CUX1: variants seen among roughly 807,000 people sequenced by gnomAD.
CUX1 encodes the protein protein CASP.
In CUX1, 31 loss-of-function variants were observed where a neutral mutation model predicts 158.8. The ratio of observed to expected loss-of-function variants is 0.20; its 90% CI spans 0.15 to 0.26. CUX1 has a LOEUF of 0.26. Ranked by LOEUF, CUX1 falls within the 10% of genes least tolerant of loss-of-function variation. The probability of loss-of-function intolerance (pLI) is 1.00; values close to 1 mark genes in which losing one functional copy is unlikely to be tolerated. For synonymous variants in CUX1, 879 were observed against 862.1 expected (o/e 1.02, Z -0.34); for missense variants, 1,589 against 2,014.6 (o/e 0.79, Z 4.04).
rs782377668 is a variant in CUX1, at chr7:102,227,479, C to T, written c.3243C>T (p.Ile1081=). The T allele has an allele frequency of 6.8e-6, 11 of 1,614,078 alleles. No individual in the cohort carries two copies. Among genetic ancestry groups the T allele is most frequent in the East Asian group, 2.2e-5 (1 of 44,882 alleles). ...TELVQQPCPP[I]EASKDSKPPE... is the part of the protein sequence containing the mutation. ...TGGTCCAGCAGCCCTGTCCCCCCAT[C>T]GAGGCGAGCAAGGACAGCAAGCCAC... Residue 1081 remains isoleucine (I), a synonymous_variant, in exon 21 of 24, where the codon ATC becomes ATT. Transcript: ENST00000292535.
intron 2 of CUX1, among the ~76,000 whole-genome samples, chr7:101,978,158 C>G (rs762883594): frequency 6.6e-6 from 1 of 152,090 alleles, no homozygotes; most frequent in Non-Finnish European, 1.5e-5. Flanking sequence ...GCTTAAAATA[C>G]CATCCACAGA....
In CUX1 at chr7:102,195,381, C is replaced by G. The variant is rs1563385530; in HGVS notation, c.1126-126C>G. 8 of 687,750 alleles carry G rather than the reference C, an allele frequency of 1.2e-5. No homozygotes were observed. The East Asian group carries it at 2.0e-4, about 17-fold the overall frequency. 42.6% of individuals were successfully genotyped at this position (687,750 alleles called of 1,614,324 possible). On this transcript the variant is annotated intron_variant, in intron 13 of 23. Transcript: ENST00000292535. The stretch of plus-strand genomic sequence containing the variant: ...GAAATCAGCTGTCCGCAGCCCACTT[C>G]CTAATCAGATCGAGAGCTGGGTGGG...
Position 102,255,251 on chromosome 7 carries a change from A to G in CUX1, c.*6209A>G, listed in dbSNP as rs1296837368. ...CTTCCCTCCAAAGATAACCGTGTCCATGCCATCCGTGGCATCATCTCGAGT... is the reference window on the plus strand; with the variant it reads ...CTTCCCTCCAAAGATAACCGTGTCCGTGCCATCCGTGGCATCATCTCGAGT... On this transcript the variant is annotated 3_prime_UTR_variant, in exon 24 of 24. Transcript: ENST00000292535. 1 of 985,458 alleles carries G rather than the reference A, an allele frequency of 1.0e-6. No homozygotes were observed. The highest frequency in any genetic ancestry group is 1.2e-6 in the Non-Finnish European group (1 of 829,934). 61.0% of individuals were successfully genotyped at this position (985,458 alleles called of 1,614,324 possible).
chr7:102,209,100 A>G (rs1554522436), intron 20 of CUX1, among the ~76,000 whole-genome samples: 1 of 152,198 alleles, frequency 6.6e-6, no homozygotes, highest in Non-Finnish European at 1.5e-5. Flanking sequence ...GGCCTCGCCC[A>G]TCTGAACAGC....
intron 20 of CUX1, among the ~76,000 whole-genome samples, chr7:102,219,094 ACT>A (rs1797549260): frequency 1.3e-5 from 2 of 148,534 alleles, no homozygotes; most frequent in South Asian, 4.3e-4. Flanking sequence ...ACACACACAC[ACT>A]ATGGCTATAT....
At chr7:101,903,429 C>T (rs899789431) in intron 1 of CUX1, among the ~76,000 whole-genome samples, 2 of 152,126 alleles carry the variant, frequency 1.3e-5, no homozygotes, top group African/African-American at 2.4e-5. Context: ...GTGGGGAGCA[C>T]TGCGTGTGCC....
At chr7:101,973,770 C>CTTTTTTTTTTTTT (rs546846196) in intron 2 of CUX1, among the ~76,000 whole-genome samples, 1 of 137,374 alleles carries the variant, frequency 7.3e-6, no homozygotes, top group Non-Finnish European at 1.6e-5. Flanking sequence ...TTTTCTTTTT[C>CTTTTTTTTTTTTT]TTTTTTTTTT....
chr7:101,950,670 A>G (rs1283529273), intron 2 of CUX1, among the ~76,000 whole-genome samples: 1 of 152,208 alleles, frequency 6.6e-6, no homozygotes, highest in East Asian at 1.9e-4. Context: ...AGTAGTTGCA[A>G]CAGAGACCAT....
chr7:102,011,142 T>C (rs1817957993), intron 2 of CUX1, among the ~76,000 whole-genome samples: 1 of 151,960 alleles, frequency 6.6e-6, no homozygotes, highest in African/African-American at 2.4e-5. Flanking sequence ...AGTAAAATTA[T>C]ATTGTTATTG....
chr7:102,110,264 A>C (rs542242348), intron 6 of CUX1, among the ~76,000 whole-genome samples: 1 of 152,306 alleles, frequency 6.6e-6, no homozygotes, highest in East Asian at 1.9e-4. Flanking sequence ...ATATTTTGCT[A>C]TACTATGTGA....
intron 23 of CUX1, among the ~76,000 whole-genome samples, chr7:102,243,260 CGA>C (rs1174034075): frequency 6.6e-6 from 1 of 151,992 alleles, no homozygotes; most frequent in Non-Finnish European, 1.5e-5. Flanking sequence ...GGTGACACAG[CGA>C]GACTCTGTCT....
chr7:102,155,547 AAG>A (rs1459310106), intron 8 of CUX1, among the ~76,000 whole-genome samples: 3 of 152,004 alleles, frequency 2.0e-5, no homozygotes, highest in African/African-American at 4.8e-5. Flanking sequence ...CTGTCTCAAA[AAG>A]AAAAAAAAAA....
At chr7:102,066,944 G>A (rs868092387) in intron 3 of CUX1, among the ~76,000 whole-genome samples, 88 of 152,178 alleles carry the variant, frequency 5.8e-4, no homozygotes, top group Middle Eastern at 3.2e-3. Context: ...TTTCAAGTAC[G>A]TACATACACA....
At chr7:101,853,584 GGTGT>G (rs59324904) in intron 1 of CUX1, among the ~76,000 whole-genome samples, 1,960 of 140,688 alleles carry the variant, frequency 0.014, 32 homozygotes, top group African/African-American at 0.038. Flanking sequence ...CAATAGAAAG[GGTGT>G]GTGTGTGTGT....
rs574263441 is a variant in CUX1, at chr7:101,839,491, A to T, written c.30+21822A>T. Among the ~76,000 whole-genome samples the T allele has an allele frequency of 1.7e-4, 26 of 152,096 alleles. No homozygotes were observed. The East Asian group carries it at 4.6e-3, about 27-fold the overall frequency. On this transcript the variant is annotated intron_variant, in intron 1 of 23. Coordinates refer to ENST00000292535, the MANE Select transcript of CUX1 (RefSeq NM_181552.4). ...GTCGTGAGAGTTTCTTTCCCCCACA[A>T]TCTCATCCGTGCTTTGTGGAGATAT... is the stretch of plus-strand genomic sequence containing the variant.
chr7:101,953,222 C>T (rs1809324906), intron 2 of CUX1, among the ~76,000 whole-genome samples: 1 of 152,198 alleles, frequency 6.6e-6, no homozygotes, highest in Admixed American at 6.5e-5. Context: ...AATTGTGACT[C>T]ATCTTGTTAG....
chr7:102,132,624 C>A (rs1275377166), intron 8 of CUX1, among the ~76,000 whole-genome samples: 2 of 151,630 alleles, frequency 1.3e-5, no homozygotes, highest in Non-Finnish European at 2.9e-5. Context: ...ATTGTACATT[C>A]CCAACTTCAT....
At chr7:102,243,045 G>A (rs1442560110) in intron 23 of CUX1, among the ~76,000 whole-genome samples, 7 of 152,118 alleles carry the variant, frequency 4.6e-5, no homozygotes, top group Non-Finnish European at 7.4e-5. Flanking sequence ...AGGCCAAGGC[G>A]GGTGGATCAC....
intron 22 of CUX1, 151 bp from the exon 23 acceptor site, chr7:102,239,169 G>A (rs1433280962): frequency 2.2e-6 from 2 of 919,534 alleles, no homozygotes; most frequent in Middle Eastern, 6.6e-4. Flanking sequence ...TTACAGGCAT[G>A]AGCCACCATG....
Sources: allele counts gnomAD v4.1 joint callset (sites outside exome capture counted in the v4.1 genomes callset), GRCh38; gene constraint gnomAD v4.1.1; transcripts MANE v1.5; gene names NCBI Gene and HGNC (gene_info 2026-07-23, HGNC 2026-07-21).